ACOT11: variants seen among roughly 807,000 people sequenced by gnomAD.
ACOT11 encodes the protein acyl-coenzyme A thioesterase 11.
A neutral mutation model predicts 77.5 loss-of-function variants in ACOT11; 69 were observed. That is an observed-to-expected ratio of 0.89 (90% CI 0.73 to 1.09). The LOEUF (loss-of-function observed/expected upper bound fraction) is 1.09. Among genes scored for constraint, ACOT11 ranks in the 50% least tolerant of loss-of-function variants. The pLI is 0.00. For missense variants in ACOT11, 766 were observed against 813.7 expected (o/e 0.94, Z 0.71); for synonymous variants, 279 against 313.0 (o/e 0.89, Z 1.15).
chr1:54,565,850 CT>C (rs1454207931), intron 1 of ACOT11, among the ~76,000 whole-genome samples: 3 of 152,214 alleles, frequency 2.0e-5, no homozygotes, highest in African/African-American at 4.8e-5. Flanking sequence ...CTTCCAACTG[CT>C]ACCTTGTTTC....
chr1:54,605,317 T>C, intron 13 of ACOT11, 108 bp downstream of exon 13: 1 of 1,361,620 alleles, frequency 7.3e-7, no homozygotes, highest in Non-Finnish European at 9.7e-7. Flanking sequence ...CTGCTGGGGC[T>C]GGGGGTGGGT....
chr1:54,619,375 A>G (rs898299108), intron 15 of ACOT11, among the ~76,000 whole-genome samples: 1 of 152,186 alleles, frequency 6.6e-6, no homozygotes, highest in African/African-American at 2.4e-5. Context: ...CTGCTTTCAG[A>G]CAGTGTAACC....
chr1:54,605,062 T>A lies in ACOT11; in HGVS notation c.1237-14T>A, dbSNP rs1310493538. The A allele has an allele frequency of 1.2e-6, 2 of 1,610,160 alleles. No homozygotes were observed. Among genetic ancestry groups the A allele is most frequent in the Non-Finnish European group, 1.7e-6 (2 of 1,178,454 alleles). ...CACCACCCAGCAAATGAGGCTGCCC[T>A]CTATCCCATGCAGGTCCGCCTGTAC... is the stretch of plus-strand genomic sequence containing the variant. On this transcript the variant is annotated splice_polypyrimidine_tract_variant and intron_variant, in intron 12 of 15. Coordinates refer to ENST00000343744, the MANE Select transcript of ACOT11 (RefSeq NM_147161.4).
At chr1:54,573,047 C>G (rs1252034489) in intron 1 of ACOT11, 1 of 985,352 alleles carries the variant, frequency 1.0e-6, no homozygotes, top group Non-Finnish European at 1.2e-6. Flanking sequence ...GAAAAGGGTA[C>G]TGACACCATC....
At position 54,610,018 on chromosome 1, in the gene ACOT11, C is replaced by G; in HGVS notation, c.*906C>G. 6.7e-7 allele frequency: 1 copy of G among 1,503,572 alleles called. No individual in the cohort carries two copies. Among genetic ancestry groups the G allele is most frequent in the African/African-American group, 1.4e-5 (1 of 72,836 alleles). The allele number at this position is 1,503,572 out of a possible 1,614,324, so 93.1% of individuals were successfully genotyped here. Reference sequence around the variant, plus strand: ...TGTTAAGAGTCCCTTGTTAAAGGGGCAGTGGGAGTTATGGGGTCATCAAGG... The same window carrying G: ...TGTTAAGAGTCCCTTGTTAAAGGGGGAGTGGGAGTTATGGGGTCATCAAGG... On this transcript the variant is annotated 3_prime_UTR_variant, in exon 16 of 16. Coordinates refer to ENST00000343744, the MANE Select transcript of ACOT11 (RefSeq NM_147161.4).
chr1:54,553,178 T>A (rs891621022), intron 1 of ACOT11, among the ~76,000 whole-genome samples: 14 of 152,120 alleles, frequency 9.2e-5, no homozygotes. Flanking sequence ...AAAATTTTAT[T>A]TTAATATGCA....
chr1:54,571,471 GCA>G (rs1360401932), intron 1 of ACOT11, among the ~76,000 whole-genome samples: 1 of 152,146 alleles, frequency 6.6e-6, no homozygotes, highest in Non-Finnish European at 1.5e-5. Context: ...AGAGTTGCTG[GCA>G]CACCTGCTGA....
rs1431585550 is a variant in ACOT11 at position 54,623,155 on chromosome 1, C to T, written c.1630-7579C>T. The stretch of plus-strand genomic sequence containing the variant: ...TCGTGCCATTGTACTCCAGCCTGGG[C>T]AACAAGAGCAAAACTCCGTCTAAAA... On this transcript the variant is annotated intron_variant, in intron 15 of 16. Coordinates refer to the ACOT11 transcript ENST00000371316. 1.1e-5 allele frequency: 7 copies of T among 663,282 alleles called. No homozygotes were observed. In the East Asian group the frequency reaches 1.9e-4, roughly 18 times the overall value. The allele number at this position is 663,282 out of a possible 1,614,324, so 41.1% of individuals were successfully genotyped here. A position where few individuals can be genotyped will look rare whatever the true frequency, so the allele number is the denominator to read the frequency against.
intron 15 of ACOT11, among the ~76,000 whole-genome samples, chr1:54,624,438 C>T (rs996978167): frequency 2.0e-5 from 3 of 152,104 alleles, no homozygotes; most frequent in African/African-American, 7.2e-5. Context: ...CATTTTCCTG[C>T]CTCGGCCTTC....
chr1:54,548,556 C>A (rs1287859515), intron 1 of ACOT11: 3 of 639,180 alleles, frequency 4.7e-6, no homozygotes, highest in Non-Finnish European at 8.2e-6. Context: ...GTCAGATCCC[C>A]CACGGGCTGG....
At chr1:54,635,944 G>A (rs1644328424) in exon 17 of ACOT11, 1 of 152,320 alleles carries the variant, frequency 6.6e-6, no homozygotes, top group African/African-American at 2.4e-5. Flanking sequence ...GGCCTGCCCA[G>A]GGCGGAAAAC....
intron 1 of ACOT11, among the ~76,000 whole-genome samples, chr1:54,559,976 T>A (rs1445989381): frequency 6.6e-6 from 1 of 152,240 alleles, no homozygotes; most frequent in Non-Finnish European, 1.5e-5. Context: ...ATGGTGCTGC[T>A]GGCTGGGTCC....
At chr1:54,637,070 T>G (rs1644335351) in exon 17 of ACOT11, 1 of 152,406 alleles carries the variant, frequency 6.6e-6, no homozygotes, top group Non-Finnish European at 1.5e-5. Context: ...ACAGACACAG[T>G]AACAATCTGA....
chr1:54,618,809 T>C (rs2101023342), intron 15 of ACOT11, among the ~76,000 whole-genome samples: 1 of 152,316 alleles, frequency 6.6e-6, no homozygotes, highest in Non-Finnish European at 1.5e-5. Flanking sequence ...ACCCTAACAC[T>C]TTCCAGCTGT....
At position 54,553,733 on chromosome 1, in the gene ACOT11, TCTGA is replaced by T. The variant is rs370663579; in HGVS notation, c.33+5394_33+5397del. Among the ~76,000 whole-genome samples the T allele has an allele frequency of 1.3e-3, 202 of 152,274 alleles. 1 individual carries two copies. Among genetic ancestry groups the T allele is most frequent in the African/African-American group, 4.5e-3 (187 of 41,574 alleles). ...TCCTCCTAAGTGTAATTATGCATCC[TCTGA>T]CTAAGATCTCTCCATCCCCCCAACA... is the stretch of plus-strand genomic sequence containing the variant. On this transcript the variant is annotated intron_variant, in intron 1 of 15. Transcript: ENST00000343744.
intron 1 of ACOT11, among the ~76,000 whole-genome samples, chr1:54,577,088 C>G (rs1276983728): frequency 6.6e-6 from 1 of 152,102 alleles, no homozygotes; most frequent in Non-Finnish European, 1.5e-5. Flanking sequence ...AGCAGATTGA[C>G]TTGATTTTTG....
At chr1:54,575,317 G>A (rs933332741) in intron 1 of ACOT11, among the ~76,000 whole-genome samples, 1 of 152,186 alleles carries the variant, frequency 6.6e-6, no homozygotes, top group Admixed American at 6.5e-5. Context: ...TACTCCCCCA[G>A]GCCCCTGGTG....
chr1:54,606,069 A>T (rs2101005637), intron 13 of ACOT11, among the ~76,000 whole-genome samples: 1 of 152,274 alleles, frequency 6.6e-6, no homozygotes, highest in East Asian at 1.9e-4. Context: ...TTTTCTCCAG[A>T]GCAGGCTTGT....
intron 15 of ACOT11, among the ~76,000 whole-genome samples, chr1:54,626,643 A>T (rs1644274613): frequency 1.3e-5 from 1 of 79,602 alleles, no homozygotes; most frequent in South Asian, 4.0e-4. Context: ...TTATCCATCT[A>T]CTTGTCCCTT....
Sources: gnomAD v4.1 joint callset for allele counts (sites outside exome capture counted in the v4.1 genomes callset) on GRCh38, gnomAD v4.1.1 for gene constraint, MANE v1.5 for transcripts, NCBI Gene and HGNC (gene_info 2026-07-23, HGNC 2026-07-21) for gene names.